Variants in CADM2 observed in about 807,000 individuals in gnomAD.
CADM2 encodes the protein immunoglobulin superfamily member 4D.
Under a neutral mutation model 49.8 loss-of-function variants are expected in CADM2, and 12 were observed. The observed-to-expected ratio is 0.24, with a 90% CI of 0.15 to 0.39. CADM2 has a LOEUF of 0.39. Ranked by LOEUF, CADM2 falls within the 10% of genes least tolerant of loss-of-function variation. The pLI is 1.00. For missense variants in CADM2, 378 were observed against 492.3 expected (o/e 0.77, Z 2.20); for synonymous variants, 214 against 175.4 (o/e 1.22, Z -1.74).
chr3:85,251,726 C>T (rs1439457827), intron 1 of CADM2, among the ~76,000 whole-genome samples: 1 of 151,984 alleles, frequency 6.6e-6, no homozygotes, highest in African/African-American at 2.4e-5. Context: ...CATCCTATCA[C>T]TGGCATATTT....
At chr3:85,977,822 C>G (rs7616471) in intron 8 of CADM2, among the ~76,000 whole-genome samples, 10,008 of 151,526 alleles carry the variant, frequency 0.066, 889 homozygotes, top group African/African-American at 0.2. Flanking sequence ...GAAGCATTTT[C>G]CCTGTCGAAA....
intron 1 of CADM2, among the ~76,000 whole-genome samples, chr3:84,965,432 T>C (rs1456420793): frequency 1.3e-5 from 2 of 152,216 alleles, no homozygotes; most frequent in East Asian, 3.8e-4. Flanking sequence ...AAACATCCTT[T>C]AGCTTTTTAT....
intron 1 of CADM2, among the ~76,000 whole-genome samples, chr3:85,126,359 A>T (rs181269438): frequency 9.2e-5 from 14 of 152,248 alleles, no homozygotes; most frequent in Non-Finnish European, 1.8e-4. Flanking sequence ...ATATGGGTGG[A>T]GTCTGAAAGA....
chr3:85,295,534 A>G (rs1576302737), intron 1 of CADM2, among the ~76,000 whole-genome samples: 1 of 152,088 alleles, frequency 6.6e-6, no homozygotes, highest in Non-Finnish European at 1.5e-5. Flanking sequence ...AAGACTTGGA[A>G]CCAACCCAAA....
intron 7 of CADM2, among the ~76,000 whole-genome samples, chr3:85,936,520 A>T (rs1039323509): frequency 1.3e-5 from 2 of 151,848 alleles, no homozygotes; most frequent in Admixed American, 1.3e-4. Flanking sequence ...ATTTGAAAGC[A>T]ATATGATCAT....
At chr3:85,259,863 T>G (rs2042975144) in intron 1 of CADM2, among the ~76,000 whole-genome samples, 1 of 152,104 alleles carries the variant, frequency 6.6e-6, no homozygotes, top group Non-Finnish European at 1.5e-5. Context: ...TAATAACATG[T>G]AATTGTGTTT....
At chr3:85,267,140 C>CGT (rs142620388) in intron 1 of CADM2, among the ~76,000 whole-genome samples, 71,803 of 151,018 alleles carry the variant, frequency 0.48, 17,342 homozygotes, top group Admixed American at 0.59. Context: ...AAAGATTAAC[C>CGT]ATAATTTGAA....
intron 8 of CADM2, chr3:86,012,487 G>A: frequency 1.0e-6 from 1 of 975,528 alleles, no homozygotes; most frequent in Non-Finnish European, 1.4e-6. Flanking sequence ...TCTCCTCCGT[G>A]ACCCGGACCA....
chr3:85,396,053 A>G (rs1216842799), intron 1 of CADM2, among the ~76,000 whole-genome samples: 2 of 150,668 alleles, frequency 1.3e-5, no homozygotes, highest in Non-Finnish European at 3.0e-5. Context: ...ATGATAATTT[A>G]TAAAATAAAT....
At chr3:84,997,037 G>A (rs1416373422) in intron 1 of CADM2, among the ~76,000 whole-genome samples, 1 of 152,112 alleles carries the variant, frequency 6.6e-6, no homozygotes, top group African/African-American at 2.4e-5. Flanking sequence ...GTCACAGCAT[G>A]ATTTGTATGG....
intron 1 of CADM2, among the ~76,000 whole-genome samples, chr3:85,668,295 CA>C (rs11447925): frequency 0.027 from 2,205 of 81,730 alleles, 41 homozygotes; most frequent in East Asian, 0.13. Context: ...AGTACCAAAG[CA>C]AAAAAAAAAA....
chr3:85,960,283 A>C (rs574612069), intron 7 of CADM2, among the ~76,000 whole-genome samples: 32 of 152,082 alleles, frequency 2.1e-4, no homozygotes, highest in Admixed American at 5.3e-4. Flanking sequence ...ACCCATAGAC[A>C]TCACTTACTC....
chr3:85,952,416 A>G (rs1421271077), intron 7 of CADM2, among the ~76,000 whole-genome samples: 1 of 150,908 alleles, frequency 6.6e-6, no homozygotes, highest in African/African-American at 2.4e-5. Context: ...GTCTCTGTAA[A>G]AATTCCAGTT....
At chr3:85,947,376 G>GCTCT (rs1315408115) in intron 7 of CADM2, among the ~76,000 whole-genome samples, 1 of 151,226 alleles carries the variant, frequency 6.6e-6, no homozygotes, top group African/African-American at 2.4e-5. Context: ...CATTTAGATT[G>GCTCT]GGATGTGTAT....
intron 1 of CADM2, among the ~76,000 whole-genome samples, chr3:85,217,684 C>T (rs1361569393): frequency 6.6e-6 from 1 of 151,982 alleles, no homozygotes; most frequent in Non-Finnish European, 1.5e-5. Context: ...TTTGGGGAAT[C>T]ACTTGTGGCC....
chr3:85,917,013 G>A (rs1718433764), intron 6 of CADM2, among the ~76,000 whole-genome samples: 1 of 151,608 alleles, frequency 6.6e-6, no homozygotes, highest in African/African-American at 2.4e-5. Flanking sequence ...ACTTTTTGAT[G>A]GGGTTTTTTT....
At chr3:85,582,893 G>A (rs2062835826) in intron 1 of CADM2, among the ~76,000 whole-genome samples, 1 of 152,028 alleles carries the variant, frequency 6.6e-6, no homozygotes, top group South Asian at 2.1e-4. Context: ...GTGACGGTTG[G>A]CAAGTCATTT....
At chr3:85,112,628 A>G (rs1395343397) in intron 1 of CADM2, among the ~76,000 whole-genome samples, 1 of 151,830 alleles carries the variant, frequency 6.6e-6, no homozygotes, top group Non-Finnish European at 1.5e-5. Flanking sequence ...TATATATAAA[A>G]TACTTTATTT....
intron 8 of CADM2, among the ~76,000 whole-genome samples, chr3:85,970,861 T>A (rs1726038469): frequency 6.6e-6 from 1 of 151,414 alleles, no homozygotes; most frequent in African/African-American, 2.4e-5. Context: ...ACCTAAAACA[T>A]ATTTCGGGTA....
Sources: gnomAD v4.1 joint callset for allele counts (sites outside exome capture counted in the v4.1 genomes callset) on GRCh38, gnomAD v4.1.1 for gene constraint, MANE v1.5 for transcripts, NCBI Gene and HGNC (gene_info 2026-07-23, HGNC 2026-07-21) for gene names.